CHRM3: variants seen among roughly 807,000 people sequenced by gnomAD.
The protein encoded by CHRM3 is cholinergic receptor muscarinic 3, also known as muscarinic acetylcholine receptor M3.
In CHRM3, 11 loss-of-function variants were observed where a neutral mutation model predicts 41.8. That is an observed-to-expected ratio of 0.26 (90% CI 0.17 to 0.44). The LOEUF is 0.44. CHRM3 is among the 20% of genes least tolerant of loss of function. CHRM3 has a pLI of 1.00. For missense variants in CHRM3, 571 were observed against 745.4 expected (o/e 0.77, Z 2.72); for synonymous variants, 297 against 301.4 (o/e 0.99, Z 0.15).
At chr1:239,611,569 C>T (rs935165533) in intron 3 of CHRM3, among the ~76,000 whole-genome samples, 5 of 151,844 alleles carry the variant, frequency 3.3e-5, no homozygotes, top group African/African-American at 4.8e-5. Flanking sequence ...TACAGGCATG[C>T]GTCACCATGC....
intron 5 of CHRM3, among the ~76,000 whole-genome samples, chr1:239,771,765 T>G (rs570139038): frequency 6.6e-6 from 1 of 152,326 alleles, no homozygotes; most frequent in East Asian, 1.9e-4. Context: ...GGTGTGGCTG[T>G]CTTCCAGACA....
At chr1:239,499,847 A>G (rs894270333) in intron 2 of CHRM3, among the ~76,000 whole-genome samples, 3 of 152,136 alleles carry the variant, frequency 2.0e-5, no homozygotes, top group African/African-American at 4.8e-5. Context: ...CTCAAACAAA[A>G]CAATTATCAG....
At chr1:239,849,490 C>G (rs1047712749) in intron 6 of CHRM3, among the ~76,000 whole-genome samples, 27 of 152,088 alleles carry the variant, frequency 1.8e-4, no homozygotes, top group African/African-American at 5.8e-4. Context: ...TCAGGAGACA[C>G]AAGACAATAA....
At chr1:239,601,859 A>C (rs188119238) in intron 3 of CHRM3, among the ~76,000 whole-genome samples, 1 of 151,970 alleles carries the variant, frequency 6.6e-6, no homozygotes, top group African/African-American at 2.4e-5. Flanking sequence ...TGGTGCAATA[A>C]CTGTTTTCCG....
intron 5 of CHRM3, among the ~76,000 whole-genome samples, chr1:239,717,467 GCA>G (rs3063637): frequency 0.47 from 69,998 of 150,406 alleles, 16,454 homozygotes; most frequent in Middle Eastern, 0.51. Context: ...AGACACACAC[GCA>G]CACACACACA....
intron 6 of CHRM3, among the ~76,000 whole-genome samples, chr1:239,906,801 T>C (rs1680000722): frequency 6.6e-6 from 1 of 152,206 alleles, no homozygotes; most frequent in African/African-American, 2.4e-5. Context: ...TGTTATCAAG[T>C]AGAAGATAGC....
intron 2 of CHRM3, among the ~76,000 whole-genome samples, chr1:239,514,896 G>A (rs116615889): frequency 6.6e-6 from 1 of 152,070 alleles, no homozygotes; most frequent in South Asian, 2.1e-4. Context: ...CATGGTAGAA[G>A]TAAAATTTTG....
At chr1:239,613,345 T>G (rs1667274092) in intron 3 of CHRM3, among the ~76,000 whole-genome samples, 1 of 152,196 alleles carries the variant, frequency 6.6e-6, no homozygotes, top group Admixed American at 6.5e-5. Context: ...AACAAGTAAC[T>G]TCAGAGCAGC....
chr1:239,483,594 T>C (rs994081959), intron 1 of CHRM3, among the ~76,000 whole-genome samples: 1 of 152,198 alleles, frequency 6.6e-6, no homozygotes, highest in Non-Finnish European at 1.5e-5. Context: ...TTGACATCTT[T>C]TTTTCTTTTT....
At position 239,797,569 on chromosome 1, in the gene CHRM3, C is replaced by A. The variant is rs189376369; in HGVS notation, c.-146-29683C>A. ...TCTCAGTGTGTAGCGTACAAAAGAG[C>A]AGCAGTAGTTTGTGTGATCTGCCTC... On this transcript the variant is annotated intron_variant, in intron 5 of 6. Transcript: ENST00000676153. Among the ~76,000 whole-genome samples the A allele has an allele frequency of 2.2e-4, 33 of 152,264 alleles. No homozygotes were observed. The East Asian group carries it at 2.9e-3, about 13-fold the overall frequency.
At chr1:239,764,081 T>A (rs1667015531) in intron 5 of CHRM3, among the ~76,000 whole-genome samples, 1 of 145,186 alleles carries the variant, frequency 6.9e-6, no homozygotes, top group Non-Finnish European at 1.5e-5. Context: ...TGAGATCCTA[T>A]CTCCAAAAAA....
At chr1:239,536,612 A>G (rs1246065472) in intron 2 of CHRM3, among the ~76,000 whole-genome samples, 1 of 152,196 alleles carries the variant, frequency 6.6e-6, no homozygotes, top group Non-Finnish European at 1.5e-5. Flanking sequence ...TCCCTTTAAT[A>G]CAAAACTAGG....
chr1:239,860,058 C>A (rs1317383679), intron 6 of CHRM3, among the ~76,000 whole-genome samples: 1 of 151,858 alleles, frequency 6.6e-6, no homozygotes, highest in Non-Finnish European at 1.5e-5. Flanking sequence ...AAGGAAGCAC[C>A]CATTCTCTAA....
Position 239,699,270 on chromosome 1 carries a change from G to C in CHRM3, c.-147+20982G>C, listed in dbSNP as rs572963594. ...CACATATGTTGAAGCGTAACTCCCA[G>C]TGTGATGGTATTTGGAGAGGGGAGT... On this transcript the variant is annotated intron_variant, in intron 5 of 6. Coordinates refer to ENST00000676153, the MANE Select transcript of CHRM3 (RefSeq NM_001375978.1). Among the ~76,000 whole-genome samples, 1,191 of 152,190 alleles carry C rather than the reference G, an allele frequency of 7.8e-3. 9 individuals are homozygous for C. The highest frequency in any genetic ancestry group is 0.015 in the South Asian group (73 of 4,820).
intron 1 of CHRM3, among the ~76,000 whole-genome samples, chr1:239,398,326 C>G (rs1659673224): frequency 6.6e-6 from 1 of 152,190 alleles, no homozygotes; most frequent in Admixed American, 6.5e-5. Flanking sequence ...ACGTCTGCCT[C>G]CTGGGTTCAA....
At chr1:239,703,729 T>C (rs1006554887) in intron 5 of CHRM3, 7 of 152,222 alleles carry the variant, frequency 4.6e-5, no homozygotes, top group African/African-American at 1.7e-4. Context: ...TGCAAATTAC[T>C]GATATCAGTA....
intron 4 of CHRM3, among the ~76,000 whole-genome samples, chr1:239,648,531 G>T (rs922444913): frequency 6.6e-6 from 1 of 152,140 alleles, no homozygotes; most frequent in Non-Finnish European, 1.5e-5. Context: ...GCTGTCAGTG[G>T]AGGTGAGCCA....
intron 5 of CHRM3, among the ~76,000 whole-genome samples, chr1:239,774,212 C>A (rs1667912431): frequency 6.6e-6 from 1 of 152,188 alleles, no homozygotes; most frequent in Admixed American, 6.5e-5. Context: ...TTGCTTGATT[C>A]ATCTTTGTCC....
In CHRM3 at chr1:239,455,724, T is replaced by TA. The variant is rs1664884101; in HGVS notation, c.-520-36979dup. On this transcript the variant is annotated intron_variant, in intron 1 of 6. Coordinates refer to ENST00000676153, the MANE Select transcript of CHRM3 (RefSeq NM_001375978.1). ...TATTACGTTTGAGTCAAAAAGTTTT[T>TA]AAAAAATTTATAAAGTAAAAATGTT... is the stretch of plus-strand genomic sequence containing the variant. Among the ~76,000 whole-genome samples the TA allele has an allele frequency of 2.0e-5, 3 of 152,336 alleles. No individual in the cohort carries two copies. In the South Asian group the frequency reaches 6.2e-4, roughly 32 times the overall value.
Sources: gnomAD v4.1 joint callset for allele counts (sites outside exome capture counted in the v4.1 genomes callset) on GRCh38, gnomAD v4.1.1 for gene constraint, MANE v1.5 for transcripts, NCBI Gene and HGNC (gene_info 2026-07-23, HGNC 2026-07-21) for gene names.